The following VCL variants were observed in gnomAD, a reference collection of about 807,000 sequenced individuals.
The protein encoded by VCL is epididymis luminal protein 114.
In VCL, 47 loss-of-function variants were observed where a neutral mutation model predicts 125.7. The ratio of observed to expected loss-of-function variants is 0.37; its 90% confidence interval spans 0.30 to 0.48. The LOEUF is 0.48. Ranked by LOEUF, VCL falls within the 20% of genes least tolerant of loss-of-function variation. The pLI, the probability that VCL is intolerant of heterozygous loss-of-function variation, is 0.99. For missense variants in VCL, 1,069 were observed against 1,455.5 expected (o/e 0.73, Z 4.32); for synonymous variants, 458 against 514.6 (o/e 0.89, Z 1.49).
chr10:74,037,868 G>A (rs1841011844), intron 1 of VCL, among the ~76,000 whole-genome samples: 1 of 152,224 alleles, frequency 6.6e-6, no homozygotes, highest in African/African-American at 2.4e-5. Flanking sequence ...GATACAGTGA[G>A]GGTCTCATGG....
chr10:74,045,622 CA>C (rs71482565), intron 2 of VCL, among the ~76,000 whole-genome samples: 3,003 of 93,102 alleles, frequency 0.032, 29 homozygotes, highest in African/African-American at 0.047. Flanking sequence ...GACTCTGTCT[CA>C]AAAAAAAAAA....
rs1841662459 is a variant in VCL at position 74,071,439 on chromosome 10, G to A, written c.499+356G>A. The stretch of plus-strand genomic sequence containing the variant: ...TCCTTCACTGTCTGCCAGCTGGCCT[G>A]TAGTTCTTTATGACCTCTTAGCTTG... On this transcript the variant is annotated intron_variant, in intron 4 of 21. Coordinates refer to ENST00000211998, the MANE Select transcript of VCL (RefSeq NM_014000.3). The surrounding 1 kb of genome is among the most constrained non-coding windows in gnomAD (Gnocchi z 4.1). 6.6e-6 allele frequency among the ~76,000 whole-genome samples: 1 copy of A among 152,188 alleles called. No homozygotes were observed. The highest frequency in any genetic ancestry group is 2.1e-4 in the South Asian group (1 of 4,836).
At chr10:74,101,566 T>G (rs1384596286) in intron 14 of VCL, among the ~76,000 whole-genome samples, 2 of 145,746 alleles carry the variant, frequency 1.4e-5, no homozygotes, top group East Asian at 4.1e-4. Flanking sequence ...TTTTTTTTTT[T>G]GAGACGGAGT....
At chr10:74,099,072 G>A (rs1840012125) in intron 13 of VCL, among the ~76,000 whole-genome samples, 1 of 152,078 alleles carries the variant, frequency 6.6e-6, no homozygotes, top group Non-Finnish European at 1.5e-5. Flanking sequence ...AGTCCCCCTA[G>A]AGCTATGACT....
chr10:74,049,755 AG>A (rs1841265092), intron 2 of VCL, among the ~76,000 whole-genome samples: 1 of 152,218 alleles, frequency 6.6e-6, no homozygotes, highest in Admixed American at 6.5e-5. Flanking sequence ...GTTGCTGAGC[AG>A]TAGGATGACA....
intron 5 of VCL, 116 bp from the exon 6 acceptor site, chr10:74,074,627 A>T: frequency 8.8e-7 from 1 of 1,134,262 alleles, no homozygotes; most frequent in Non-Finnish European, 1.3e-6. Flanking sequence ...TGTTTTGTAT[A>T]CTCATTTTAG....
intron 2 of VCL, among the ~76,000 whole-genome samples, chr10:74,065,737 A>T (rs1407931504): frequency 1.3e-5 from 2 of 151,982 alleles, no homozygotes; most frequent in Non-Finnish European, 2.9e-5. Flanking sequence ...TTATCGTTTC[A>T]CATTGACCAG....
At chr10:74,067,720 A>T (rs1591684972) in intron 2 of VCL, among the ~76,000 whole-genome samples, 1 of 152,358 alleles carries the variant, frequency 6.6e-6, no homozygotes, top group Non-Finnish European at 1.5e-5. Flanking sequence ...CCTCAAAAAC[A>T]TGCTAAATGA....
In VCL at chr10:74,090,190, A is replaced by T; in HGVS notation, c.1344A>T (p.Leu448=). The stretch of plus-strand genomic sequence containing the variant: ...CTCTGACTTCTAAATTAGCAGATCT[A>T]CGAAGACAGTATGTATTTAACCCTT... ...ISALTSKLAD[L]RRQGKGDSPE... is the part of the protein sequence containing the mutation. The change falls in exon 10 of 22, where the codon CTA becomes CTT. Residue 448 remains leucine (L), a synonymous_variant. Coordinates refer to ENST00000211998, the MANE Select transcript of VCL (RefSeq NM_014000.3). The T allele has an allele frequency of 6.2e-7, 1 of 1,614,194 alleles. No individual in the cohort carries two copies. The highest frequency in any genetic ancestry group is 8.5e-7 in the Non-Finnish European group (1 of 1,180,034).
intron 9 of VCL, 33 bp from the exon 10 acceptor site, chr10:74,089,990 C>G: frequency 6.2e-7 from 1 of 1,613,890 alleles, no homozygotes; most frequent in Non-Finnish European, 8.5e-7. Context: ...GTGAGTAGAT[C>G]ACAGCGTGCT....
At chr10:74,011,018 A>C (rs1048666524) in intron 1 of VCL, among the ~76,000 whole-genome samples, 1 of 151,684 alleles carries the variant, frequency 6.6e-6, no homozygotes, top group Non-Finnish European at 1.5e-5. Flanking sequence ...AAAAATTCAA[A>C]AAATTGGCTG....
intron 11 of VCL, 150 bp from the exon 12 acceptor site, chr10:74,095,506 C>A: frequency 2.2e-6 from 2 of 894,722 alleles, no homozygotes; most frequent in Non-Finnish European, 3.5e-6. Context: ...GGAGGGATTG[C>A]TTGAGCCGGC....
chr10:74,009,241 A>T, intron 1 of VCL, among the ~76,000 whole-genome samples: 1 of 48,300 alleles, frequency 2.1e-5, no homozygotes, highest in African/African-American at 7.9e-5. Context: ...GAGCCATTTT[A>T]GTATTTAATT....
intron 1 of VCL, among the ~76,000 whole-genome samples, chr10:74,001,196 G>A (rs1365028136): frequency 3.3e-5 from 5 of 152,204 alleles, no homozygotes; most frequent in African/African-American, 9.6e-5. Flanking sequence ...GTGTTTTGGG[G>A]AGGCCAGAGG....
chr10:74,002,338 T>A (rs1435206290), intron 1 of VCL, among the ~76,000 whole-genome samples: 1 of 150,832 alleles, frequency 6.6e-6, no homozygotes, highest in Non-Finnish European at 1.5e-5. Context: ...TTGGTTAGGC[T>A]GGTCTTGAAC....
At position 74,114,408 on chromosome 10, in the gene VCL, C is replaced by CGTGTGTGT. The variant is rs3037359; in HGVS notation, c.3153+43_3153+50dup. 1,856 of 1,452,014 alleles carry CGTGTGTGT rather than the reference C, an allele frequency of 1.3e-3. 15 individuals carry two copies. The African/African-American group carries it at 0.025, about 20-fold the overall frequency. The allele number at this position is 1,452,014 out of a possible 1,614,324, so 89.9% of individuals were successfully genotyped here. A position where few individuals can be genotyped will look rare whatever the true frequency, so the allele number is the denominator to read the frequency against. Reference sequence around the variant, plus strand: ...TACAGGTACTCGGGGAAAGAGGCTGCGTGTGTGTGTGTGTGTGTGTGTGTG... The same window carrying CGTGTGTGT: ...TACAGGTACTCGGGGAAAGAGGCTGCGTGTGTGTGTGTGTGTGTGTGTGTGTGTGTGTG... On this transcript the variant is annotated intron_variant, in intron 20 of 21. Transcript: ENST00000211998.
chr10:74,043,581 A>G (rs150445420), intron 2 of VCL, among the ~76,000 whole-genome samples: 5,300 of 152,072 alleles, frequency 0.035, 159 homozygotes, highest in African/African-American at 0.082. Context: ...TTCCGACCTC[A>G]GGTGATCCAC....
intron 4 of VCL, 37 bp from the exon 5 acceptor site, chr10:74,072,692 CA>C (rs758176577): frequency 1.1e-5 from 18 of 1,613,476 alleles, no homozygotes; most frequent in Non-Finnish European, 1.5e-5. Flanking sequence ...GGGATTGTTT[CA>C]CTACTCACCC....
intron 1 of VCL, among the ~76,000 whole-genome samples, chr10:74,037,557 C>G (rs906076438): frequency 2.6e-5 from 4 of 152,338 alleles, no homozygotes; most frequent in African/African-American, 9.6e-5. Context: ...TCTGCCTTCA[C>G]TTAGCATACA....
Sources: gnomAD v4.1 joint callset for allele counts (sites outside exome capture counted in the v4.1 genomes callset) on GRCh38, gnomAD v4.1.1 for gene constraint, Gnocchi (gnomAD v3.1) non-coding constraint, MANE v1.5 for transcripts, NCBI Gene and HGNC (gene_info 2026-07-23, HGNC 2026-07-21) for gene names.